TNPO3: variants seen among roughly 807,000 people sequenced by gnomAD.
The protein encoded by TNPO3 is transportin-3.
Under a neutral mutation model 122.8 loss-of-function variants are expected in TNPO3, and 65 were observed. The observed-to-expected ratio is 0.53, with a 90% confidence interval of 0.43 to 0.65. The LOEUF (loss-of-function observed/expected upper bound fraction) is 0.65. Ranked by LOEUF, TNPO3 falls within the 30% of genes least tolerant of loss-of-function variation. The pLI is 0.00. For missense variants in TNPO3, 850 were observed against 1,136.7 expected (o/e 0.75, Z 3.63); for synonymous variants, 372 against 411.2 (o/e 0.90, Z 1.15).
At chr7:128,987,013 T>C (rs1332381450) in intron 11 of TNPO3, 93 bp from the exon 12 acceptor site, 14 of 1,331,098 alleles carry the variant, frequency 1.1e-5, no homozygotes, top group African/African-American at 1.5e-5. Flanking sequence ...TTTCTTTTTT[T>C]AAAGCAAAAG....
rs1472113555 is a variant in TNPO3 at position 128,979,924 on chromosome 7, G to T, written c.1920+47C>A. 4 of 1,574,748 alleles carry T rather than the reference G, an allele frequency of 2.5e-6. No homozygotes were observed. The East Asian group carries it at 6.7e-5, about 26-fold the overall frequency. ...GGTGAGTTACCCAAAGCCCTGTAAG[G>T]AAAAAAGAAGCAAGCCTTGATTCCA... On this transcript the variant is annotated intron_variant, in intron 15 of 22. Coordinates refer to ENST00000265388, the MANE Select transcript of TNPO3 (RefSeq NM_012470.4).
rs187381588 is a variant in TNPO3 at position 128,962,900 on chromosome 7, A to G, written c.2711+4380T>C. 2.0e-5 allele frequency among the ~76,000 whole-genome samples: 3 copies of G among 152,204 alleles called. No individual in the cohort carries two copies. In the East Asian group the frequency reaches 5.8e-4, roughly 29 times the overall value. ...CCTAAATTAGGAAAGGATATCTATG[A>G]CCTTGATTTCAGACTTACCATATTA... On this transcript the variant is annotated intron_variant, in intron 21 of 22. Coordinates refer to ENST00000265388, the MANE Select transcript of TNPO3 (RefSeq NM_012470.4).
chr7:129,037,313 C>A (rs1040746775), intron 1 of TNPO3, among the ~76,000 whole-genome samples: 1 of 152,112 alleles, frequency 6.6e-6, no homozygotes, highest in East Asian at 1.9e-4. Context: ...AAGTTGAGGT[C>A]TTAGGGCAAC....
chr7:129,050,406 G>C (rs535458849), intron 1 of TNPO3, among the ~76,000 whole-genome samples: 3 of 61,058 alleles, frequency 4.9e-5, no homozygotes, highest in South Asian at 9.1e-4. Flanking sequence ...AAAAAAGGGT[G>C]GGGGGGGAAT....
chr7:128,965,662 T>C (rs944144509), intron 21 of TNPO3, among the ~76,000 whole-genome samples: 1 of 152,214 alleles, frequency 6.6e-6, no homozygotes, highest in African/African-American at 2.4e-5. Context: ...TATAGCAGCC[T>C]TACTCACAAC....
chr7:128,956,212 C>CAAGA (rs1263249969), intron 22 of TNPO3, among the ~76,000 whole-genome samples: 3 of 152,166 alleles, frequency 2.0e-5, no homozygotes, highest in Non-Finnish European at 2.9e-5. Flanking sequence ...TTGGGTGTGG[C>CAAGA]AAGGCACTGC....
Position 128,972,588 on chromosome 7 carries a change from G to A in TNPO3, c.2274-6C>T. 1 of 1,612,192 alleles carries A rather than the reference G, an allele frequency of 6.2e-7. No homozygotes were observed. The highest frequency in any genetic ancestry group is 8.5e-7 in the Non-Finnish European group (1 of 1,179,194). On this transcript the variant is annotated splice_polypyrimidine_tract_variant and splice_region_variant and intron_variant, in intron 18 of 22. Transcript: ENST00000265388. ...CAGGGCTACGCTGAATAAACCTGGT[G>A]TGGAAAGTGAGACTAGGTATAAATG...
intron 8 of TNPO3, among the ~76,000 whole-genome samples, chr7:128,997,021 C>T (rs972374355): frequency 3.4e-5 from 5 of 148,272 alleles, no homozygotes; most frequent in African/African-American, 4.9e-5. Context: ...GAGTGTTTTG[C>T]TTTTTTTTTT....
chr7:128,979,175 C>G, intron 15 of TNPO3, 52 bp from the exon 16 acceptor site: 1 of 1,603,180 alleles, frequency 6.2e-7, no homozygotes, highest in South Asian at 1.1e-5. Flanking sequence ...CAACTAGGAC[C>G]TGAAAAACTG....
intron 22 of TNPO3, among the ~76,000 whole-genome samples, chr7:128,956,872 C>T (rs1796949757): frequency 6.6e-6 from 1 of 152,152 alleles, no homozygotes; most frequent in Non-Finnish European, 1.5e-5. Context: ...GTTGTTTTCG[C>T]CAAAGTGGCC....
chr7:129,020,933 G>A (rs1804418923), intron 1 of TNPO3, among the ~76,000 whole-genome samples: 2 of 152,120 alleles, frequency 1.3e-5, no homozygotes, highest in Non-Finnish European at 2.9e-5. Flanking sequence ...TGTGGTTTTA[G>A]TCTCAGTAAA....
intron 1 of TNPO3, among the ~76,000 whole-genome samples, chr7:129,031,540 T>A (rs768217290): frequency 1.4e-4 from 22 of 152,050 alleles, no homozygotes; most frequent in Non-Finnish European, 2.4e-4. Flanking sequence ...GCCAAGAGAT[T>A]AAATCAGTAA....
At chr7:129,011,513 T>C (rs183247638) in intron 4 of TNPO3, among the ~76,000 whole-genome samples, 5 of 151,586 alleles carry the variant, frequency 3.3e-5, no homozygotes, top group South Asian at 2.1e-4. Flanking sequence ...CCAGCTAATT[T>C]TTGTGTTTTT....
chr7:129,030,633 G>A (rs531333371), intron 1 of TNPO3: 2 of 151,894 alleles, frequency 1.3e-5, no homozygotes, highest in African/African-American at 2.4e-5. Context: ...ACTAGGATAT[G>A]GGTCACACAT....
At chr7:128,993,159 T>G (rs1800934890) in intron 9 of TNPO3, among the ~76,000 whole-genome samples, 1 of 151,558 alleles carries the variant, frequency 6.6e-6, no homozygotes, top group South Asian at 2.1e-4. Flanking sequence ...TAGGTTAGTT[T>G]AGTATTGCTG....
intron 21 of TNPO3, among the ~76,000 whole-genome samples, chr7:128,964,470 G>A (rs1797754577): frequency 6.6e-6 from 1 of 151,642 alleles, no homozygotes. Context: ...AGAGTAGCTG[G>A]GACTACAGGT....
intron 19 of TNPO3, 113 bp from the exon 20 acceptor site, chr7:128,970,428 GCACGCGTGGC>G: frequency 9.9e-7 from 1 of 1,014,432 alleles, no homozygotes; most frequent in Non-Finnish European, 1.4e-6. Flanking sequence ...GTGTGTGTGT[GCACGCGTGGC>G]TGTGTGTGTG....
chr7:128,979,820 A>ATGGC (rs1799449766), intron 15 of TNPO3, 151 bp downstream of exon 15: 2 of 687,908 alleles, frequency 2.9e-6, no homozygotes, highest in South Asian at 3.5e-5. Flanking sequence ...AGACATTTGG[A>ATGGC]TGGCTCTGTC....
At chr7:128,960,749 TTTA>T (rs60734129) in intron 21 of TNPO3, among the ~76,000 whole-genome samples, 12 of 150,678 alleles carry the variant, frequency 8.0e-5, no homozygotes, top group South Asian at 2.1e-4. Flanking sequence ...CAAGAGTTAA[TTTA>T]TTATTATTAT....
Sources: gnomAD v4.1 joint callset for allele counts (sites outside exome capture counted in the v4.1 genomes callset) on GRCh38, gnomAD v4.1.1 for gene constraint, MANE v1.5 for transcripts, NCBI Gene and HGNC (gene_info 2026-07-23, HGNC 2026-07-21) for gene names.